NEDD9: variants seen among roughly 807,000 people sequenced by gnomAD.
NEDD9 encodes the protein neural precursor cell expressed, developmentally down-regulated 9.
In NEDD9, 26 loss-of-function variants were observed where a neutral mutation model predicts 76.6. That is an observed-to-expected ratio of 0.34 (90% CI 0.25 to 0.47). The LOEUF is 0.47. NEDD9 is among the 20% of genes least tolerant of loss of function. NEDD9 has a pLI of 1.00. For synonymous variants in NEDD9, 392 were observed against 414.2 expected (o/e 0.95, Z 0.65); for missense variants, 937 against 1,058.5 (o/e 0.89, Z 1.59).
intron 4 of NEDD9, 145 bp from the exon 5 acceptor site, chr6:11,191,350 T>C (rs1362680706): frequency 2.4e-6 from 2 of 842,790 alleles, no homozygotes; most frequent in Non-Finnish European, 3.6e-6. Flanking sequence ...TTCCCCGTTA[T>C]TCTGCTGTCA....
chr6:11,220,768 T>C (rs1269084842), intron 1 of NEDD9, among the ~76,000 whole-genome samples: 3 of 152,222 alleles, frequency 2.0e-5, no homozygotes, highest in Non-Finnish European at 4.4e-5. Context: ...ATGGACAGCA[T>C]AGCTGTGCAA....
At chr6:11,229,138 T>C (rs958885524) in intron 1 of NEDD9, among the ~76,000 whole-genome samples, 1 of 152,252 alleles carries the variant, frequency 6.6e-6, no homozygotes, top group African/African-American at 2.4e-5. Context: ...ACCTACCCCA[T>C]TCAACCAGAA....
At chr6:11,329,570 T>A (rs1317918567) in intron 2 of NEDD9, among the ~76,000 whole-genome samples, 1 of 152,180 alleles carries the variant, frequency 6.6e-6, no homozygotes, top group Non-Finnish European at 1.5e-5. Flanking sequence ...TCAACTGTAA[T>A]GTTTTAAGAG....
intron 2 of NEDD9, among the ~76,000 whole-genome samples, chr6:11,312,569 A>G (rs1437589142): frequency 1.3e-5 from 2 of 152,036 alleles, no homozygotes; most frequent in East Asian, 1.9e-4. Context: ...TAAAATGTCA[A>G]CTGTGTCATG....
At chr6:11,378,686 C>A (rs1441192194) in intron 1 of NEDD9, among the ~76,000 whole-genome samples, 1 of 152,068 alleles carries the variant, frequency 6.6e-6, no homozygotes, top group African/African-American at 2.4e-5. Flanking sequence ...CTAAATTTAT[C>A]TAAATTATTC....
At chr6:11,306,223 T>A in intron 2 of NEDD9, 1 of 594,268 alleles carries the variant, frequency 1.7e-6, no homozygotes, top group Non-Finnish European at 3.0e-6. Flanking sequence ...TTTTCATCAT[T>A]TAAGGGTTGC....
intron 3 of NEDD9, among the ~76,000 whole-genome samples, chr6:11,247,536 T>A (rs1429858605): frequency 1.3e-5 from 2 of 152,186 alleles, no homozygotes; most frequent in African/African-American, 2.4e-5. Flanking sequence ...CATCACTATC[T>A]AATTCCAGAA....
chr6:11,222,251 C>T (rs1019954369), intron 1 of NEDD9, among the ~76,000 whole-genome samples: 9 of 152,224 alleles, frequency 5.9e-5, no homozygotes, highest in Non-Finnish European at 4.4e-5. Flanking sequence ...CCAGCCAGAA[C>T]CGAGTTGATG....
intron 3 of NEDD9, among the ~76,000 whole-genome samples, chr6:11,257,333 C>T (rs180826108): frequency 6.6e-6 from 1 of 152,200 alleles, no homozygotes; most frequent in East Asian, 1.9e-4. Flanking sequence ...GGCAAATAAC[C>T]CCTGGGAGGC....
At chr6:11,359,783 CTT>C (rs1762644670) in intron 1 of NEDD9, among the ~76,000 whole-genome samples, 3 of 152,330 alleles carry the variant, frequency 2.0e-5, no homozygotes, top group South Asian at 4.1e-4. Context: ...GAACCACTGT[CTT>C]TGTCATGAAG....
intron 2 of NEDD9, among the ~76,000 whole-genome samples, chr6:11,330,060 C>T (rs529220942): frequency 9.9e-5 from 15 of 152,280 alleles, no homozygotes; most frequent in South Asian, 4.1e-4. Context: ...GTGGGTCAAA[C>T]GTGGCCAGTG....
chr6:11,196,727 GACATTACCATCTAAT>G (rs1421365189), intron 2 of NEDD9, among the ~76,000 whole-genome samples: 7 of 151,712 alleles, frequency 4.6e-5, no homozygotes, highest in Non-Finnish European at 1.0e-4. Flanking sequence ...CAGCCTTCCT[GACATTACCATCTAAT>G]TCACGTTGGT....
chr6:11,243,147 A>G (rs1301415680), intron 3 of NEDD9, among the ~76,000 whole-genome samples: 3 of 152,046 alleles, frequency 2.0e-5, no homozygotes, highest in Admixed American at 6.5e-5. Flanking sequence ...AGTGCCCTCT[A>G]TCTTTCACTT....
intron 3 of NEDD9, among the ~76,000 whole-genome samples, chr6:11,270,655 C>A (rs1458886632): frequency 6.6e-6 from 1 of 152,164 alleles, no homozygotes; most frequent in Non-Finnish European, 1.5e-5. Flanking sequence ...CTGGCAAAAC[C>A]CTAGAAAGCA....
chr6:11,234,666 G>A (rs993633049), upstream of NEDD9, among the ~76,000 whole-genome samples: 3 of 151,794 alleles, frequency 2.0e-5, no homozygotes, highest in African/African-American at 7.3e-5. Flanking sequence ...AAGCACAAGG[G>A]TGTTGGAATC....
At position 11,347,367 on chromosome 6, in the gene NEDD9, T is replaced by C. The variant is rs79102330; in HGVS notation, c.-213-12806A>G. On this transcript the variant is annotated intron_variant, in intron 1 of 3. Coordinates refer to the NEDD9 transcript ENST00000397378. ...TACCAGATGTACAAAGAAGAGCTGGTACTGAAACTGTTCCCAAAAATTGAG... is the reference window on the plus strand; with the variant it reads ...TACCAGATGTACAAAGAAGAGCTGGCACTGAAACTGTTCCCAAAAATTGAG... Among the ~76,000 whole-genome samples the C allele has an allele frequency of 8.3e-3, 1,271 of 152,274 alleles. 7 individuals carry two copies. Among genetic ancestry groups the C allele is most frequent in the Middle Eastern group, 0.017 (5 of 294 alleles).
At chr6:11,374,718 T>C (rs1762944126) in intron 1 of NEDD9, among the ~76,000 whole-genome samples, 1 of 152,228 alleles carries the variant, frequency 6.6e-6, no homozygotes, top group African/African-American at 2.4e-5. Flanking sequence ...AGCAAAGTGA[T>C]GGACCTTCAT....
At chr6:11,324,420 C>T (rs1342948408) in intron 2 of NEDD9, among the ~76,000 whole-genome samples, 1 of 152,194 alleles carries the variant, frequency 6.6e-6, no homozygotes, top group Non-Finnish European at 1.5e-5. Context: ...CCCCTGGGAT[C>T]TCTTCACCAT....
At chr6:11,192,677 G>A in intron 3 of NEDD9, 1 of 368,576 alleles carries the variant, frequency 2.7e-6, no homozygotes, top group South Asian at 2.9e-5. Context: ...GCTCACGCCT[G>A]TAATCCCAGC....
Sources: gnomAD v4.1 joint callset for allele counts (sites outside exome capture counted in the v4.1 genomes callset) on GRCh38, gnomAD v4.1.1 for gene constraint, MANE v1.5 for transcripts, NCBI Gene and HGNC (gene_info 2026-07-23, HGNC 2026-07-21) for gene names.